The following ZNF66 variants were observed in gnomAD, a reference collection of about 807,000 sequenced individuals.
ZNF66 encodes the protein putative zinc finger protein 66.
A neutral mutation model predicts 35.2 loss-of-function variants in ZNF66; 32 were observed. The ratio of observed to expected loss-of-function variants is 0.91; its 90% CI spans 0.69 to 1.22. The LOEUF (loss-of-function observed/expected upper bound fraction) is 1.22. ZNF66 is among the 50% of genes most tolerant of loss of function. The probability of loss-of-function intolerance (pLI) is 0.00; values close to 1 mark genes in which losing one functional copy is unlikely to be tolerated. For synonymous variants in ZNF66, 231 were observed against 181.3 expected (o/e 1.27, Z -2.20); for missense variants, 666 against 543.1 (o/e 1.23, Z -2.25).
Position 20,788,841 on chromosome 19 carries a change from A to G in ZNF66, c.4-3671A>G, listed in dbSNP as rs1356447233. ...TCTAAGGCAGGTGGATCACAAGGTC[A>G]GGAGTTTGAGACCAGCCTGACCAAT... On this transcript the variant is annotated intron_variant, in intron 1 of 3. Coordinates refer to ENST00000344519, the MANE Select transcript of ZNF66 (RefSeq NM_001355197.2). 2.0e-5 allele frequency among the ~76,000 whole-genome samples: 3 copies of G among 151,876 alleles called. No individual in the cohort carries two copies. In the East Asian group the frequency reaches 5.9e-4, roughly 30 times the overall value.
intron 1 of ZNF66, among the ~76,000 whole-genome samples, chr19:20,781,207 C>T (rs1167804391): frequency 2.0e-5 from 3 of 152,208 alleles, no homozygotes; most frequent in Admixed American, 6.5e-5. Flanking sequence ...GCATTGCACT[C>T]TCTCCTGCCC....
At chr19:20,794,057 C>A in intron 3 of ZNF66, 179 bp downstream of exon 3, 1 of 576,108 alleles carries the variant, frequency 1.7e-6, no homozygotes. Context: ...CACAAAGGGG[C>A]ATATTGTCTT....
At chr19:20,788,770 A>G (rs1971310012) in intron 1 of ZNF66, among the ~76,000 whole-genome samples, 1 of 152,002 alleles carries the variant, frequency 6.6e-6, no homozygotes, top group South Asian at 2.1e-4. Flanking sequence ...TACCCTAGAA[A>G]GGCTGGGCAT....
chr19:20,795,619 A>G (rs1971384857), intron 3 of ZNF66, among the ~76,000 whole-genome samples: 1 of 152,046 alleles, frequency 6.6e-6, no homozygotes, highest in Non-Finnish European at 1.5e-5. Context: ...CGCCCGCCTC[A>G]GCCTCCCAAA....
chr19:20,777,876 C>G (rs1306808856), intron 1 of ZNF66, among the ~76,000 whole-genome samples: 1 of 152,052 alleles, frequency 6.6e-6, no homozygotes, highest in East Asian at 1.9e-4. Context: ...GAAAATCTCT[C>G]TTCCATTTTG....
At position 20,806,342 on chromosome 19, in the gene ZNF66, A is replaced by G. The variant is rs750369774; in HGVS notation, c.742A>G (p.Lys248Glu). Residue 248 changes from lysine (K) to glutamate (E), a missense_variant, in exon 4 of 4, where the codon AAG (lysine) becomes GAG (glutamate). Coordinates refer to ENST00000344519, the MANE Select transcript of ZNF66 (RefSeq NM_001355197.2). ...FNRSSNLTTH[K>E]KIHTGEKPYK... ...CCGCTCCTCTAACCTTACTACACAT[A>G]AGAAAATTCATACTGGAGAGAAACC... is the stretch of plus-strand genomic sequence containing the variant. 3.0e-5 allele frequency: 46 copies of G among 1,555,534 alleles called. No individual in the cohort carries two copies. In the African/African-American group the frequency reaches 6.0e-4, roughly 20 times the overall value.
Position 20,805,862 on chromosome 19 carries a change from G to T in ZNF66, c.262G>T (p.Glu88Ter), listed in dbSNP as rs749242042. The change falls in exon 4 of 4, where the codon GAG (glutamate) becomes TAG (stop). Residue 88 changes from glutamate to a stop codon, truncating the protein, a stop_gained. Transcript: ENST00000344519. LOFTEE classifies it high-confidence loss of function. ...CSHFNQDLWP[E>*]QSIKDSFQKL... ...TCATTTTAACCAAGACCTTTGGCCA[G>T]AGCAGAGCATAAAAGATTCTTTCCA... 2 of 636,058 alleles carry T rather than the reference G, an allele frequency of 3.1e-6. No individual in the cohort carries two copies. Among genetic ancestry groups the T allele is most frequent in the Non-Finnish European group, 5.7e-6 (2 of 351,366 alleles). 39.4% of individuals were successfully genotyped at this position (636,058 alleles called of 1,614,324 possible).
Position 20,807,832 on chromosome 19 carries a change from A to T in ZNF66, c.*510A>T, listed in dbSNP as rs1013969155. Among the ~76,000 whole-genome samples, 4 of 152,152 alleles carry T rather than the reference A, an allele frequency of 2.6e-5. No individual in the cohort carries two copies. The highest frequency in any genetic ancestry group is 9.7e-5 in the African/African-American group (4 of 41,448). On this transcript the variant is annotated 3_prime_UTR_variant, in exon 4 of 4. Coordinates refer to ENST00000344519, the MANE Select transcript of ZNF66 (RefSeq NM_001355197.2). ...CATTTCCGTCTGATGTACCAGGTTC[A>T]TCTCACTAGGGAGTGCCAGACAGTG... is the stretch of plus-strand genomic sequence containing the variant.
chr19:20,800,897 T>C lies in ZNF66; in HGVS notation c.227-4930T>C, dbSNP rs192294779. 7.0e-3 allele frequency among the ~76,000 whole-genome samples: 1,063 copies of C among 152,234 alleles called. 11 individuals carry two copies. Among genetic ancestry groups the C allele is most frequent in the South Asian group, 0.013 (64 of 4,832 alleles). On this transcript the variant is annotated intron_variant, in intron 3 of 3. Transcript: ENST00000344519. ...TTTCTTAGTTTTTATCTGAATTTTC[T>C]ATTTATTAATTGCAAATGGGTTCTT...
At chr19:20,792,899 T>A (rs756684505) in intron 2 of ZNF66, among the ~76,000 whole-genome samples, 2 of 151,926 alleles carry the variant, frequency 1.3e-5, no homozygotes, top group Non-Finnish European at 2.9e-5. Flanking sequence ...AAACCCCAAC[T>A]CTAATAAAAG....
chr19:20,789,863 T>C (rs1971320305), intron 1 of ZNF66, among the ~76,000 whole-genome samples: 1 of 152,202 alleles, frequency 6.6e-6, no homozygotes, highest in Admixed American at 6.5e-5. Context: ...TTAATAAACA[T>C]TGCATTAGTA....
At chr19:20,798,706 A>T (rs1462059160) in intron 3 of ZNF66, among the ~76,000 whole-genome samples, 2 of 152,218 alleles carry the variant, frequency 1.3e-5, no homozygotes, top group African/African-American at 4.8e-5. Context: ...AGCCCTTGAC[A>T]GACAAACCTT....
intron 3 of ZNF66, among the ~76,000 whole-genome samples, chr19:20,802,903 A>G (rs1002243193): frequency 6.6e-6 from 1 of 152,176 alleles, no homozygotes; most frequent in Admixed American, 6.6e-5. Context: ...CAAATTTGTC[A>G]TAGATTCCCA....
chr19:20,799,878 C>T (rs964688964), intron 3 of ZNF66, among the ~76,000 whole-genome samples: 2 of 152,118 alleles, frequency 1.3e-5, no homozygotes, highest in Non-Finnish European at 2.9e-5. Flanking sequence ...AAATTTGTTG[C>T]CCCCTGAGCA....
At chr19:20,788,873 A>C (rs1971311171) in intron 1 of ZNF66, among the ~76,000 whole-genome samples, 1 of 151,948 alleles carries the variant, frequency 6.6e-6, no homozygotes, top group Non-Finnish European at 1.5e-5. Context: ...CAATGTGGTG[A>C]AACGCCGTCT....
intron 1 of ZNF66, among the ~76,000 whole-genome samples, chr19:20,780,104 A>ATATT (rs111279402): frequency 0.093 from 14,081 of 151,908 alleles, 656 homozygotes; most frequent in Middle Eastern, 0.11. Flanking sequence ...AAGTGAAGAA[A>ATATT]TTATTTTGAG....
chr19:20,798,846 C>T (rs532902060), intron 3 of ZNF66, among the ~76,000 whole-genome samples: 6 of 152,078 alleles, frequency 3.9e-5, no homozygotes, highest in African/African-American at 1.4e-4. Flanking sequence ...TAAAATGTGA[C>T]AAGATTATTC....
chr19:20,781,199 A>G (rs1971242374), intron 1 of ZNF66, among the ~76,000 whole-genome samples: 1 of 152,114 alleles, frequency 6.6e-6, no homozygotes, highest in African/African-American at 2.4e-5. Flanking sequence ...TCTCACCTGC[A>G]TTGCACTCTC....
intron 1 of ZNF66, among the ~76,000 whole-genome samples, chr19:20,779,940 A>AC (rs1971230931): frequency 6.6e-6 from 1 of 151,328 alleles, no homozygotes; most frequent in Admixed American, 6.6e-5. Flanking sequence ...AAAAAAAAAA[A>AC]AAAACACCAA....
Sources: allele counts gnomAD v4.1 joint callset (sites outside exome capture counted in the v4.1 genomes callset), GRCh38; gene constraint gnomAD v4.1.1; transcripts MANE v1.5; gene names NCBI Gene and HGNC (gene_info 2026-07-23, HGNC 2026-07-21).